POGLUT2: variants seen among roughly 807,000 people sequenced by gnomAD.
POGLUT2 encodes ER protein 58.
A neutral mutation model predicts 57.6 loss-of-function variants in POGLUT2; 47 were observed. That is an observed-to-expected ratio of 0.82 (90% CI 0.65 to 1.04). The LOEUF is 1.04. POGLUT2 is among the 50% of genes least tolerant of loss of function. The pLI is 0.00. For synonymous variants in POGLUT2, 200 were observed against 218.8 expected, an observed-to-expected ratio of 0.91 and a Z score of 0.76; for missense variants, 565 against 614.8, an observed-to-expected ratio of 0.92 and a Z score of 0.86.
chr13:102,791,001 T>C lies in POGLUT2; in HGVS notation c.983A>G (p.Glu328Gly). 1 of 1,614,150 alleles carries C rather than the reference T, an allele frequency of 6.2e-7. No individual in the cohort carries two copies. Among genetic ancestry groups the C allele is most frequent in the South Asian group, 1.1e-5 (1 of 91,086 alleles). ...ELVKLSRKHP[E>G]LIDAAFTNFF... is the part of the protein sequence containing the mutation. ...GTTGGTGAAAGCAGCGTCTATGAGT[T>C]CTGGGTGTTTTCTACTGAGTTTAAC... Residue 328 changes from glutamate (E) to glycine (G), a missense_variant, in exon 6 of 10, where the codon GAA becomes GGA. Glu to Gly is a moderately conservative substitution (Grantham distance 98). Coordinates refer to ENST00000376004, the MANE Select transcript of POGLUT2 (RefSeq NM_024089.3).
Position 102,798,364 on chromosome 13 carries a change from G to A in POGLUT2, c.182+125C>T, listed in dbSNP as rs1017441538. Reference sequence around the variant, plus strand: ...AATTTCTACAGCTACAGAGAAAAATGGGTAACCAAATATCCTGGAATATAA... The same window carrying A: ...AATTTCTACAGCTACAGAGAAAAATAGGTAACCAAATATCCTGGAATATAA... On this transcript the variant is annotated intron_variant, in intron 1 of 9. Coordinates refer to ENST00000376004, the MANE Select transcript of POGLUT2 (RefSeq NM_024089.3). 1.5e-5 allele frequency: 12 copies of A among 808,446 alleles called. No individual in the cohort carries two copies. The African/African-American group carries it at 1.7e-4, about 12-fold the overall frequency. 50.1% of individuals were successfully genotyped at this position (808,446 alleles called of 1,614,324 possible).
In POGLUT2 at chr13:102,796,685, A is replaced by T. The variant is rs1473140254; in HGVS notation, c.388+119T>A. ...AGCCTTTATTTTTCTTCTTTCAGTAAAAAAAAAAAAAAAAATATATATATA... is the reference window on the plus strand; with the variant it reads ...AGCCTTTATTTTTCTTCTTTCAGTATAAAAAAAAAAAAAAATATATATATA... On this transcript the variant is annotated intron_variant, in intron 2 of 9. Transcript: ENST00000376004. 192 of 44,344 alleles carry T rather than the reference A, an allele frequency of 4.3e-3. No individual in the cohort carries two copies. In the East Asian group the frequency reaches 0.053, roughly 12 times the overall value. The allele number at this position is 44,344 out of a possible 1,614,324, so 2.7% of individuals were successfully genotyped here.
chr13:102,788,460 G>A (rs1449902081), intron 7 of POGLUT2, among the ~76,000 whole-genome samples: 1 of 152,184 alleles, frequency 6.6e-6, no homozygotes, highest in African/African-American at 2.4e-5. Flanking sequence ...CAAGGCCACA[G>A]TTTAGCTTTT....
chr13:102,793,312 A>G (rs745692623), intron 4 of POGLUT2, 29 bp downstream of exon 4: 5 of 1,212,788 alleles, frequency 4.1e-6, no homozygotes, highest in Non-Finnish European at 6.1e-6. Flanking sequence ...TAAATTATCT[A>G]TTACAGCTAA....
intron 4 of POGLUT2, among the ~76,000 whole-genome samples, chr13:102,792,797 T>C (rs944061520): frequency 4.6e-5 from 7 of 152,088 alleles, no homozygotes; most frequent in Admixed American, 2.6e-4. Flanking sequence ...CACTTTAATT[T>C]TTTTTGGGGG....
chr13:102,785,314 T>A lies in POGLUT2; in HGVS notation c.1492-802A>T, dbSNP rs192731789. On this transcript the variant is annotated intron_variant, in intron 9 of 9. Coordinates refer to ENST00000376004, the MANE Select transcript of POGLUT2 (RefSeq NM_024089.3). Reference sequence around the variant, plus strand: ...TCACTGGGGCCAGCCTCACCTTAATTCCTTTTACACCTCCTTGAGAGGTAG... The same window carrying A: ...TCACTGGGGCCAGCCTCACCTTAATACCTTTTACACCTCCTTGAGAGGTAG... Among the ~76,000 whole-genome samples the A allele has an allele frequency of 7.8e-4, 119 of 152,260 alleles. No individual in the cohort carries two copies. In the East Asian group the frequency reaches 0.015, roughly 19 times the overall value.
Position 102,798,370 on chromosome 13 carries a change from C to G in POGLUT2, c.182+119G>C, listed in dbSNP as rs542897828. The G allele has an allele frequency of 2.3e-5, 21 of 898,768 alleles. 1 individual carries two copies. In the South Asian group the frequency reaches 3.9e-4, roughly 17 times the overall value. The allele number at this position is 898,768 out of a possible 1,614,324, so 55.7% of individuals were successfully genotyped here. A position where few individuals can be genotyped will look rare whatever the true frequency, so the allele number is the denominator to read the frequency against. Reference sequence around the variant, plus strand: ...TACAGCTACAGAGAAAAATGGGTAACCAAATATCCTGGAATATAAACTGCT... The same window carrying G: ...TACAGCTACAGAGAAAAATGGGTAAGCAAATATCCTGGAATATAAACTGCT... On this transcript the variant is annotated intron_variant, in intron 1 of 9. Coordinates refer to ENST00000376004, the MANE Select transcript of POGLUT2 (RefSeq NM_024089.3).
rs1309116561 is a variant in POGLUT2 at position 102,784,380 on chromosome 13, C to A, written c.*115G>T. On this transcript the variant is annotated 3_prime_UTR_variant, in exon 10 of 10. Transcript: ENST00000376004. Reference sequence around the variant, plus strand: ...TAAGTAGAAATGTGTCTTCATACTGCAAACAATCACACAGATTTTATATTG... The same window carrying A: ...TAAGTAGAAATGTGTCTTCATACTGAAAACAATCACACAGATTTTATATTG... 1.8e-5 allele frequency: 12 copies of A among 668,790 alleles called. No homozygotes were observed. Among genetic ancestry groups the A allele is most frequent in the Non-Finnish European group, 2.9e-5 (11 of 373,494 alleles). 41.4% of individuals were successfully genotyped at this position (668,790 alleles called of 1,614,324 possible). A position where few individuals can be genotyped will look rare whatever the true frequency, so the allele number is the denominator to read the frequency against.
chr13:102,784,741 T>G (rs1877866031), intron 9 of POGLUT2, among the ~76,000 whole-genome samples: 1 of 152,190 alleles, frequency 6.6e-6, no homozygotes, highest in Non-Finnish European at 1.5e-5. Flanking sequence ...GCTGTACTAC[T>G]GTAAAGGCCT....
At chr13:102,789,414 G>A (rs1878084209) in intron 6 of POGLUT2, among the ~76,000 whole-genome samples, 193 bp from the exon 7 acceptor site, 2 of 152,182 alleles carry the variant, frequency 1.3e-5, no homozygotes, top group African/African-American at 4.8e-5. Context: ...ATTTTGATGT[G>A]CTTCTCAATT....
chr13:102,797,253 T>C (rs986075033), intron 1 of POGLUT2, among the ~76,000 whole-genome samples: 1 of 152,208 alleles, frequency 6.6e-6, no homozygotes, highest in African/African-American at 2.4e-5. Context: ...CAATGGAGTA[T>C]GTTAAGACTA....
intron 4 of POGLUT2, among the ~76,000 whole-genome samples, chr13:102,792,346 C>T (rs912921077): frequency 6.6e-6 from 1 of 152,170 alleles, no homozygotes; most frequent in African/African-American, 2.4e-5. Context: ...TCCACTAGAA[C>T]CCAACAAAAG....
Position 102,791,068 on chromosome 13 carries a change from C to T in POGLUT2, c.916G>A (p.Val306Ile), listed in dbSNP as rs560256241. The T allele has an allele frequency of 5.9e-5, 95 of 1,614,154 alleles. No individual in the cohort carries two copies. Among genetic ancestry groups the T allele is most frequent in the East Asian group, 4.2e-4 (19 of 44,882 alleles). Residue 306 changes from valine to isoleucine, a missense_variant, in exon 6 of 10, where the codon GTC becomes ATC. Physicochemically the swap from Val to Ile is conservative, Grantham distance 29. Coordinates refer to ENST00000376004, the MANE Select transcript of POGLUT2 (RefSeq NM_024089.3). ...TTGCGGCTGTCTCGCCCTCTCCAGACGGCAGTGGAATTTTTGCTTTCCCAG... is the reference window on the plus strand; with the variant it reads ...TTGCGGCTGTCTCGCCCTCTCCAGATGGCAGTGGAATTTTTGCTTTCCCAG... ...PPWESKNSTA[V>I]WRGRDSRKER...
chr13:102,793,556 A>C, intron 3 of POGLUT2, 45 bp downstream of exon 3: 1 of 1,536,002 alleles, frequency 6.5e-7, no homozygotes, highest in Non-Finnish European at 9.0e-7. Flanking sequence ...TCAAAACAAG[A>C]AAAAAAATCA....
chr13:102,796,304 A>AT (rs1385357024), intron 2 of POGLUT2, among the ~76,000 whole-genome samples: 1,430 of 142,920 alleles, frequency 0.01, 12 homozygotes, highest in East Asian at 0.034. Context: ...AAAAAAAAAA[A>AT]AAAAAAAATA....
At chr13:102,792,675 G>C (rs1315261660) in intron 4 of POGLUT2, among the ~76,000 whole-genome samples, 1 of 152,190 alleles carries the variant, frequency 6.6e-6, no homozygotes, top group Admixed American at 6.5e-5. Context: ...GCAGAGATGG[G>C]AGGATGCAGC....
intron 8 of POGLUT2, among the ~76,000 whole-genome samples, chr13:102,787,474 C>T (rs1333419546): frequency 6.6e-6 from 1 of 152,242 alleles, no homozygotes; most frequent in Middle Eastern, 3.4e-3. Context: ...GACAAGAGGC[C>T]CAAACACACC....
chr13:102,796,309 A>ATAAATAAAT (rs1353968476), intron 2 of POGLUT2, among the ~76,000 whole-genome samples: 6 of 126,008 alleles, frequency 4.8e-5, no homozygotes, highest in African/African-American at 1.6e-4. Context: ...AAAAAAAAAA[A>ATAAATAAAT]AAATAAATAA....
intron 7 of POGLUT2, 69 bp downstream of exon 7, chr13:102,788,943 A>G: frequency 7.6e-7 from 1 of 1,318,574 alleles, no homozygotes; most frequent in South Asian, 1.2e-5. Context: ...TCCAGGTACA[A>G]TACATTTCAA....
Sources: gnomAD v4.1 joint callset for allele counts (sites outside exome capture counted in the v4.1 genomes callset) on GRCh38, gnomAD v4.1.1 for gene constraint, MANE v1.5 for transcripts, NCBI Gene and HGNC (gene_info 2026-07-23, HGNC 2026-07-21) for gene names.